FSTL5: variants seen among roughly 807,000 people sequenced by gnomAD.
FSTL5 encodes the protein follistatin-related protein 5.
In FSTL5, 62 loss-of-function variants were observed where a neutral mutation model predicts 89.1. That is an observed-to-expected ratio of 0.70 (90% CI 0.57 to 0.86). The LOEUF (loss-of-function observed/expected upper bound fraction) is 0.86, where lower values mean the gene tolerates loss of function less well. FSTL5 is among the 40% of genes least tolerant of loss of function. FSTL5 has a pLI of 0.00. For missense variants in FSTL5, 1,057 were observed against 1,001.6 expected (o/e 1.06, Z -0.75); for synonymous variants, 383 against 346.2 (o/e 1.11, Z -1.18).
intron 15 of FSTL5, among the ~76,000 whole-genome samples, chr4:161,399,431 C>T (rs986982981): frequency 6.6e-6 from 1 of 152,118 alleles, no homozygotes; most frequent in African/African-American, 2.4e-5. Context: ...AGAAAATACA[C>T]TTACAGTACT....
At chr4:161,558,419 C>G (rs746267834) in intron 8 of FSTL5, among the ~76,000 whole-genome samples, 1 of 151,750 alleles carries the variant, frequency 6.6e-6, no homozygotes, top group Non-Finnish European at 1.5e-5. Flanking sequence ...TTACAGTTAT[C>G]TCAAAATTAA....
chr4:161,872,606 AT>A (rs1237731070), intron 4 of FSTL5, among the ~76,000 whole-genome samples: 3 of 152,172 alleles, frequency 2.0e-5, no homozygotes, highest in Admixed American at 2.0e-4. Flanking sequence ...GGCACTTATG[AT>A]AAGAGTGGCG....
In FSTL5 at chr4:161,405,668, G is replaced by T. The variant is rs564245381; in HGVS notation, c.1842-19219C>A. On this transcript the variant is annotated intron_variant, in intron 15 of 15. Coordinates refer to ENST00000306100, the MANE Select transcript of FSTL5 (RefSeq NM_020116.5). ...GCCAACACTTTCCAAATTTACTAAC[G>T]TACATGAATCTATTCATCTAAGAAC... is the stretch of plus-strand genomic sequence containing the variant. 4.6e-5 allele frequency among the ~76,000 whole-genome samples: 7 copies of T among 152,202 alleles called. No homozygotes were observed. In the East Asian group the frequency reaches 9.7e-4, roughly 21 times the overall value.
At chr4:162,112,524 G>T (rs1268527376) in intron 1 of FSTL5, among the ~76,000 whole-genome samples, 1 of 152,108 alleles carries the variant, frequency 6.6e-6, no homozygotes, top group Non-Finnish European at 1.5e-5. Flanking sequence ...GGGGTGACAG[G>T]CATGAGCCAC....
intron 8 of FSTL5, among the ~76,000 whole-genome samples, chr4:161,542,946 G>A (rs1298374006): frequency 6.6e-6 from 1 of 151,842 alleles, no homozygotes; most frequent in African/African-American, 2.4e-5. Flanking sequence ...AATTAAACAA[G>A]TCCTCAAAGA....
At chr4:161,855,686 C>T (rs1422569690) in intron 4 of FSTL5, among the ~76,000 whole-genome samples, 2 of 152,016 alleles carry the variant, frequency 1.3e-5, no homozygotes, top group African/African-American at 4.8e-5. Context: ...GTAACTAAGT[C>T]ATTTTATATG....
chr4:161,855,025 C>CTTTTTTTTTTTTTTTTTTTT (rs1731681321), intron 4 of FSTL5, among the ~76,000 whole-genome samples: 7 of 112,370 alleles, frequency 6.2e-5, no homozygotes, highest in African/African-American at 6.8e-5. Context: ...TTTTTTTTTG[C>CTTTTTTTTTTTTTTTTTTTT]TTTCTAGCCT....
chr4:161,830,899 C>T (rs115189194), intron 4 of FSTL5, among the ~76,000 whole-genome samples: 1 of 151,846 alleles, frequency 6.6e-6, no homozygotes, highest in Non-Finnish European at 1.5e-5. Flanking sequence ...CTCCCAGACC[C>T]CATAGGATTC....
chr4:161,948,441 C>T (rs575922710), intron 3 of FSTL5, among the ~76,000 whole-genome samples: 1 of 149,694 alleles, frequency 6.7e-6, no homozygotes, highest in South Asian at 2.1e-4. Flanking sequence ...GGGACATTTG[C>T]TACACTTTGA....
At chr4:161,715,828 A>G (rs140075415) in intron 6 of FSTL5, among the ~76,000 whole-genome samples, 231 of 152,312 alleles carry the variant, frequency 1.5e-3, no homozygotes, top group Middle Eastern at 3.4e-3. Context: ...TCTACATCCA[A>G]TCAAAAGATA....
chr4:161,690,429 T>A (rs934757416), intron 6 of FSTL5, among the ~76,000 whole-genome samples: 1 of 152,158 alleles, frequency 6.6e-6, no homozygotes, highest in Non-Finnish European at 1.5e-5. Context: ...TATTTTTATA[T>A]GCTTGTTGAC....
At chr4:161,535,436 T>C (rs999899074) in intron 10 of FSTL5, among the ~76,000 whole-genome samples, 15 of 152,052 alleles carry the variant, frequency 9.9e-5, no homozygotes, top group Non-Finnish European at 2.2e-4. Context: ...CAGACACTTA[T>C]CGAAAGAAGC....
intron 6 of FSTL5, among the ~76,000 whole-genome samples, chr4:161,716,943 G>C (rs1739007775): frequency 6.6e-6 from 1 of 152,156 alleles, no homozygotes; most frequent in Admixed American, 6.5e-5. Flanking sequence ...CTGTGTAGTA[G>C]ATTCAATATA....
At chr4:161,600,864 T>C (rs1353171416) in intron 7 of FSTL5, among the ~76,000 whole-genome samples, 7 of 151,458 alleles carry the variant, frequency 4.6e-5, no homozygotes, top group Non-Finnish European at 7.4e-5. Context: ...TGAAGCTAAA[T>C]AATCTACACA....
Position 161,386,315 on chromosome 4 carries a change from C to A in FSTL5, c.1976G>T (p.Gly659Val), listed in dbSNP as rs773176628. 6.2e-7 allele frequency: 1 copy of A among 1,613,900 alleles called. No individual in the cohort carries two copies. Among genetic ancestry groups the A allele is most frequent in the East Asian group, 2.2e-5 (1 of 44,836 alleles). Residue 659 changes from glycine to valine, a missense_variant, in exon 16 of 16, where the codon GGC (glycine) becomes GTC (valine). By Grantham distance (109) the Gly-to-Val change is moderately radical. Around this residue, in one of 3 missense-constraint regions of FSTL5, gnomAD observed 980 missense variants for 903.2 expected, o/e 1.08. Coordinates refer to ENST00000306100, the MANE Select transcript of FSTL5 (RefSeq NM_020116.5). ...AGGTTTGCAGCCAATGAAGTAGTAG[C>A]CTCCCAAGTGTGTATATGCCAATGA... The part of the protein sequence containing the change: ...PQSLAYTHLG[G>V]YYFIGCKPDS...
intron 1 of FSTL5, among the ~76,000 whole-genome samples, chr4:162,131,624 G>C (rs1356896154): frequency 1.3e-5 from 2 of 152,132 alleles, no homozygotes; most frequent in Non-Finnish European, 2.9e-5. Context: ...CATGCAATTG[G>C]AGAGTACCTA....
At chr4:161,620,574 TG>T (rs1735086073) in intron 7 of FSTL5, among the ~76,000 whole-genome samples, 2 of 152,114 alleles carry the variant, frequency 1.3e-5, no homozygotes, top group Non-Finnish European at 2.9e-5. Flanking sequence ...GAGAATCGCT[TG>T]AACGCGAAGG....
rs760983052 is a variant in FSTL5, at chr4:161,656,524, T to C, written c.728-30A>G. Reference sequence around the variant, plus strand: ...AAAGATGAAGTGTCAGTAATGTTGATGAGCATTTAGTTTTGTAAGGCTAAT... The same window carrying C: ...AAAGATGAAGTGTCAGTAATGTTGACGAGCATTTAGTTTTGTAAGGCTAAT... On this transcript the variant is annotated intron_variant, in intron 6 of 15. Transcript: ENST00000306100. 8.4e-6 allele frequency: 12 copies of C among 1,435,066 alleles called. No homozygotes were observed. The East Asian group carries it at 3.1e-4, about 37-fold the overall frequency. The allele number at this position is 1,435,066 out of a possible 1,614,324, so 88.9% of individuals were successfully genotyped here.
rs554279568 is a variant in FSTL5, at chr4:161,452,176, T to C, written c.1841+2828A>G. Among the ~76,000 whole-genome samples, 14 of 152,296 alleles carry C rather than the reference T, an allele frequency of 9.2e-5. No homozygotes were observed. In the South Asian group the frequency reaches 2.9e-3, roughly 32 times the overall value. ...ATATTTAACTACATGCTGAATTTGC[T>C]TAGAAATATACTATATGGGCCAGGT... On this transcript the variant is annotated intron_variant, in intron 15 of 15. Transcript: ENST00000306100.
Sources: allele counts gnomAD v4.1 joint callset (sites outside exome capture counted in the v4.1 genomes callset), GRCh38; gene constraint gnomAD v4.1.1; regional missense constraint gnomAD v4.1.1; transcripts MANE v1.5; gene names NCBI Gene and HGNC (gene_info 2026-07-23, HGNC 2026-07-21).